SPATA17: variants seen among roughly 807,000 people sequenced by gnomAD.
SPATA17 encodes spermatogenesis associated 17.
In SPATA17, 53 loss-of-function variants were observed where a neutral mutation model predicts 62.2. That is an observed-to-expected ratio of 0.85 (90% CI 0.68 to 1.07). The LOEUF is 1.07. Among genes scored for constraint, SPATA17 ranks in the 50% least tolerant of loss-of-function variants. The pLI is 0.00. For synonymous variants in SPATA17, 146 were observed against 146.8 expected (o/e 0.99, Z 0.04); for missense variants, 466 against 425.5 (o/e 1.10, Z -0.84).
intron 6 of SPATA17, among the ~76,000 whole-genome samples, chr1:217,760,255 A>G (rs1040582382): frequency 6.6e-6 from 1 of 152,190 alleles, no homozygotes; most frequent in South Asian, 2.1e-4. Context: ...CTACTATCAA[A>G]TAGTTGAATT....
intron 9 of SPATA17, among the ~76,000 whole-genome samples, chr1:217,849,604 T>A (rs1675602478): frequency 1.3e-5 from 2 of 152,248 alleles, no homozygotes; most frequent in South Asian, 4.1e-4. Flanking sequence ...ATTGAGGTGG[T>A]GAGTAGGATG....
intron 3 of SPATA17, among the ~76,000 whole-genome samples, chr1:217,661,507 G>T (rs1206757664): frequency 6.6e-6 from 1 of 152,038 alleles, no homozygotes; most frequent in Non-Finnish European, 1.5e-5. Flanking sequence ...GCTCTGCATT[G>T]CAGTGACTTC....
chr1:217,646,308 C>T (rs1670180648), intron 1 of SPATA17, among the ~76,000 whole-genome samples: 1 of 152,086 alleles, frequency 6.6e-6, no homozygotes, highest in African/African-American at 2.4e-5. Flanking sequence ...TGTTCAAAGT[C>T]CAAACTGTTT....
rs1571833266 is a variant in SPATA17 at position 217,831,601 on chromosome 1, A to G, written c.1005+29751A>G. Reference sequence around the variant, plus strand: ...TTATAAAAAGGCCTACTCCAAAAATATATTTTCTTATGGCAAATAAAATAT... The same window carrying G: ...TTATAAAAAGGCCTACTCCAAAAATGTATTTTCTTATGGCAAATAAAATAT... On this transcript the variant is annotated intron_variant, in intron 9 of 10. Coordinates refer to ENST00000366933, the MANE Select transcript of SPATA17 (RefSeq NM_138796.4). Among the ~76,000 whole-genome samples, 3 of 152,280 alleles carry G rather than the reference A, an allele frequency of 2.0e-5. 1 individual carries two copies. The East Asian group carries it at 5.8e-4, about 29-fold the overall frequency.
At chr1:217,684,251 A>G (rs1340986604) in intron 5 of SPATA17, among the ~76,000 whole-genome samples, 1 of 152,156 alleles carries the variant, frequency 6.6e-6, no homozygotes, top group Non-Finnish European at 1.5e-5. Context: ...TTTTGAAAAT[A>G]GTTTTTTCCT....
chr1:217,666,435 T>C (rs1165400812), intron 3 of SPATA17, among the ~76,000 whole-genome samples: 1 of 151,978 alleles, frequency 6.6e-6, no homozygotes, highest in Non-Finnish European at 1.5e-5. Flanking sequence ...ATTTTCAGAA[T>C]GGAAAAACAA....
chr1:217,802,860 C>A (rs1674345978), intron 9 of SPATA17, among the ~76,000 whole-genome samples: 1 of 152,146 alleles, frequency 6.6e-6, no homozygotes, highest in Admixed American at 6.5e-5. Context: ...TTAGTACCCA[C>A]TCTAAAGTCT....
intron 6 of SPATA17, among the ~76,000 whole-genome samples, chr1:217,754,338 G>A (rs1672990508): frequency 6.6e-6 from 1 of 152,060 alleles, no homozygotes; most frequent in Non-Finnish European, 1.5e-5. Flanking sequence ...TAAGCTTTAG[G>A]TGGTTCCTTT....
intron 5 of SPATA17, among the ~76,000 whole-genome samples, chr1:217,728,147 A>G (rs1374737736): frequency 1.3e-5 from 2 of 152,164 alleles, no homozygotes; most frequent in Non-Finnish European, 1.5e-5. Context: ...AAACTTATTT[A>G]TTTAGTTACT....
chr1:217,747,694 A>G (rs912061562), intron 6 of SPATA17, among the ~76,000 whole-genome samples: 3 of 152,174 alleles, frequency 2.0e-5, no homozygotes, highest in African/African-American at 4.8e-5. Flanking sequence ...GTTTACACAT[A>G]TTGAAATTAA....
chr1:217,803,629 T>A (rs557415203), intron 9 of SPATA17, among the ~76,000 whole-genome samples: 3 of 152,150 alleles, frequency 2.0e-5, no homozygotes, highest in Admixed American at 2.0e-4. Flanking sequence ...ACTGGAAAAA[T>A]TTAATATTGT....
intron 1 of SPATA17, among the ~76,000 whole-genome samples, chr1:217,634,023 C>T (rs555692618): frequency 6.6e-6 from 1 of 152,194 alleles, no homozygotes; most frequent in South Asian, 2.1e-4. Flanking sequence ...TGTGGGTTGC[C>T]CGACTGACAT....
Position 217,648,931 on chromosome 1 carries a change from C to T in SPATA17, c.118C>T (p.Gln40Ter), listed in dbSNP as rs1670247142. The T allele has an allele frequency of 3.1e-6, 5 of 1,609,788 alleles. No individual in the cohort carries two copies. The highest frequency in any genetic ancestry group is 4.2e-6 in the Non-Finnish European group (5 of 1,178,182). ...KKENDAAVKI[Q>*]SWFRGCQVRA... ...GGAGAATGATGCAGCAGTTAAAATCCAAAGCTGGTTTCGAGGATGTCAAGT... is the reference window on the plus strand; with the variant it reads ...GGAGAATGATGCAGCAGTTAAAATCTAAAGCTGGTTTCGAGGATGTCAAGT... The change falls in exon 2 of 11, where the codon CAA (glutamine) becomes TAA (stop). Residue 40 changes from glutamine (Q) to a stop codon, truncating the protein, a stop_gained. Coordinates refer to ENST00000366933, the MANE Select transcript of SPATA17 (RefSeq NM_138796.4). LOFTEE classifies it high-confidence loss of function.
chr1:217,826,895 C>T (rs61827065), intron 9 of SPATA17, among the ~76,000 whole-genome samples: 4,907 of 152,146 alleles, frequency 0.032, 110 homozygotes, highest in Middle Eastern at 0.065. Context: ...TATTTTACTT[C>T]CCTTACAGTG....
chr1:217,678,205 C>CTTTTTTTTTTTTTTTTTTTTTTT (rs974715757), intron 4 of SPATA17, among the ~76,000 whole-genome samples: 1 of 107,552 alleles, frequency 9.3e-6, no homozygotes, highest in Non-Finnish European at 2.0e-5. Flanking sequence ...CTTTTCTTTT[C>CTTTTTTTTTTTTTTTTTTTTTTT]TTTTTTTTTT....
chr1:217,743,860 G>A (rs1672682341), intron 6 of SPATA17, among the ~76,000 whole-genome samples: 1 of 151,932 alleles, frequency 6.6e-6, no homozygotes, highest in South Asian at 2.1e-4. Context: ...CCCCCCGCCT[G>A]GGCCTCCCAA....
chr1:217,734,363 T>A (rs959580054), intron 5 of SPATA17, among the ~76,000 whole-genome samples: 1 of 152,200 alleles, frequency 6.6e-6, no homozygotes, highest in South Asian at 2.1e-4. Flanking sequence ...GCCATTTGAC[T>A]ATTTTAATTT....
chr1:217,712,722 C>T (rs1297825136), intron 5 of SPATA17, among the ~76,000 whole-genome samples: 7 of 152,096 alleles, frequency 4.6e-5, no homozygotes, highest in African/African-American at 7.2e-5. Flanking sequence ...ATAAAAATCT[C>T]ATATTTCTCT....
intron 9 of SPATA17, among the ~76,000 whole-genome samples, chr1:217,841,272 T>G (rs1675390053): frequency 6.6e-6 from 1 of 152,004 alleles, no homozygotes; most frequent in Non-Finnish European, 1.5e-5. Flanking sequence ...GGGACATCAA[T>G]AGGGACTGAA....
Sources: allele counts gnomAD v4.1 joint callset (sites outside exome capture counted in the v4.1 genomes callset), GRCh38; gene constraint gnomAD v4.1.1; transcripts MANE v1.5; gene names NCBI Gene and HGNC (gene_info 2026-07-23, HGNC 2026-07-21).